Variants in CFAP61 observed in about 807,000 individuals in gnomAD.
CFAP61 encodes cilia and flagella associated protein 61, also known as cilia- and flagella-associated protein 61.
Under a neutral mutation model 135.6 loss-of-function variants are expected in CFAP61, and 107 were observed. That is an observed-to-expected ratio of 0.79 (90% CI 0.67 to 0.93). CFAP61 has a LOEUF of 0.93. Ranked by LOEUF, CFAP61 falls within the 40% of genes least tolerant of loss-of-function variation. The probability of loss-of-function intolerance (pLI) is 0.00; values close to 1 mark genes in which losing one functional copy is unlikely to be tolerated. For synonymous variants in CFAP61, 575 were observed against 578.5 expected, an observed-to-expected ratio of 0.99 and a Z score of 0.09; for missense variants, 1,507 against 1,556.2, an observed-to-expected ratio of 0.97 and a Z score of 0.53.
chr20:20,342,896 T>C (rs953017391), intron 26 of CFAP61, among the ~76,000 whole-genome samples: 4 of 151,864 alleles, frequency 2.6e-5, no homozygotes, highest in Admixed American at 6.6e-5. Flanking sequence ...AGTCCCCCTC[T>C]GTTGTGCAGG....
At chr20:20,128,063 A>G (rs2050211838) in intron 8 of CFAP61, among the ~76,000 whole-genome samples, 1 of 151,606 alleles carries the variant, frequency 6.6e-6, no homozygotes, top group African/African-American at 2.4e-5. Flanking sequence ...GTCTGTTTCC[A>G]TGTGATGGGC....
At chr20:20,162,191 G>C (rs2146804209) in intron 10 of CFAP61, among the ~76,000 whole-genome samples, 1 of 152,242 alleles carries the variant, frequency 6.6e-6, no homozygotes, top group Middle Eastern at 3.4e-3. Context: ...CAGACCTGCT[G>C]CCTCCCTCTT....
intron 6 of CFAP61, among the ~76,000 whole-genome samples, chr20:20,081,960 TAG>T (rs1385694964): frequency 1.3e-5 from 2 of 152,230 alleles, no homozygotes; most frequent in Admixed American, 6.5e-5. Flanking sequence ...CTGCAGAAGG[TAG>T]AGAGTGTGGC....
At chr20:20,307,636 G>A (rs921804406) in intron 25 of CFAP61, among the ~76,000 whole-genome samples, 16 of 152,012 alleles carry the variant, frequency 1.1e-4, no homozygotes, top group African/African-American at 3.6e-4. Context: ...AATTGCATTC[G>A]TGTATGTGCT....
Position 20,125,156 on chromosome 20 carries a change from T to G in CFAP61, c.860-17701T>G, listed in dbSNP as rs189277856. Among the ~76,000 whole-genome samples the G allele has an allele frequency of 2.0e-3, 310 of 152,008 alleles. 1 individual carries two copies. The highest frequency in any genetic ancestry group is 2.1e-3 in the Non-Finnish European group (144 of 68,022). The stretch of plus-strand genomic sequence containing the variant: ...TAATGGTCTGTCAATTTTATTTATC[T>G]TTTCAAAGAACCATCTTATTGTTTC... On this transcript the variant is annotated intron_variant, in intron 8 of 26. Coordinates refer to ENST00000245957, the MANE Select transcript of CFAP61 (RefSeq NM_015585.4).
At chr20:20,176,519 T>C (rs745809370) in intron 13 of CFAP61, among the ~76,000 whole-genome samples, 2 of 152,176 alleles carry the variant, frequency 1.3e-5, no homozygotes, top group Non-Finnish European at 2.9e-5. Flanking sequence ...TGGAATACTA[T>C]GTAGCCATAG....
rs368095230 is a variant in CFAP61 at position 20,251,681 on chromosome 20, G to A, written c.2246G>A (p.Arg749Gln). 36 of 1,614,088 alleles carry A rather than the reference G, an allele frequency of 2.2e-5. No homozygotes were observed. Among genetic ancestry groups the A allele is most frequent in the African/African-American group, 1.3e-4 (10 of 74,938 alleles). ...GTGGGTAGAATGACCGGCATAGACC[G>A]AGCAGCCAAGCACGTTGTGCTTTCC... ...VVVGRMTGID[R>Q]AAKHVVLSTD... The change falls in exon 20 of 27, where the codon CGA becomes CAA. Residue 749 changes from arginine (R) to glutamine (Q), a missense_variant. Coordinates refer to ENST00000245957, the MANE Select transcript of CFAP61 (RefSeq NM_015585.4).
chr20:20,181,301 A>ACACACACG (rs34616862), intron 13 of CFAP61, among the ~76,000 whole-genome samples: 12 of 150,710 alleles, frequency 8.0e-5, no homozygotes, highest in Admixed American at 2.7e-4. Flanking sequence ...ACACACACAC[A>ACACACACG]TAACCTTGTG....
At position 20,238,205 on chromosome 20, in the gene CFAP61, GTTTTGCCTCT is replaced by G. The variant is rs1205094369; in HGVS notation, c.2061-7911_2061-7902del. On this transcript the variant is annotated intron_variant, in intron 18 of 26. Transcript: ENST00000245957. ...AACAATAAATATTTTGTGTGGATTTGTTTTGCCTCTGATATTGGAAGTTCACAGAGCTCCC... is the reference window on the plus strand; with the variant it reads ...AACAATAAATATTTTGTGTGGATTTGGATATTGGAAGTTCACAGAGCTCCC... 5.9e-5 allele frequency among the ~76,000 whole-genome samples: 9 copies of G among 152,242 alleles called. No individual in the cohort carries two copies. In the South Asian group the frequency reaches 1.5e-3, roughly 25 times the overall value.
chr20:20,305,154 C>T (rs6035601), intron 25 of CFAP61, among the ~76,000 whole-genome samples: 1 of 152,232 alleles, frequency 6.6e-6, no homozygotes, highest in African/African-American at 2.4e-5. Context: ...CGCCGGTGGC[C>T]TACATTTACT....
intron 8 of CFAP61, among the ~76,000 whole-genome samples, chr20:20,133,956 T>C (rs952175980): frequency 1.3e-5 from 2 of 152,238 alleles, no homozygotes; most frequent in Non-Finnish European, 2.9e-5. Flanking sequence ...GTGGACTTTA[T>C]TATCAACCTC....
chr20:20,066,462 T>G (rs1313355108), intron 2 of CFAP61, among the ~76,000 whole-genome samples: 1 of 152,020 alleles, frequency 6.6e-6, no homozygotes, highest in Non-Finnish European at 1.5e-5. Context: ...ATAAAGAAAA[T>G]GTGGCACATA....
At chr20:20,291,127 A>G (rs1000542293) in intron 24 of CFAP61, among the ~76,000 whole-genome samples, 4 of 152,130 alleles carry the variant, frequency 2.6e-5, no homozygotes, top group Admixed American at 6.5e-5. Flanking sequence ...CACCAGTGAT[A>G]TATTTCTTAC....
intron 25 of CFAP61, among the ~76,000 whole-genome samples, chr20:20,319,081 T>C (rs2057298144): frequency 1.3e-5 from 2 of 152,198 alleles, no homozygotes. Context: ...AAGACCCTGA[T>C]TCTCTATACA....
intron 8 of CFAP61, among the ~76,000 whole-genome samples, chr20:20,114,440 G>T (rs1248977674): frequency 6.6e-6 from 1 of 152,124 alleles, no homozygotes; most frequent in African/African-American, 2.4e-5. Context: ...ATAATTAAGT[G>T]TCTTAGTTTC....
intron 3 of CFAP61, among the ~76,000 whole-genome samples, chr20:20,073,500 G>A (rs1402956451): frequency 6.6e-6 from 1 of 152,172 alleles, no homozygotes; most frequent in Non-Finnish European, 1.5e-5. Context: ...CAGCACCTGT[G>A]CTGTCCTGAT....
intron 8 of CFAP61, among the ~76,000 whole-genome samples, chr20:20,113,936 G>T (rs1420359093): frequency 1.7e-5 from 2 of 120,228 alleles, no homozygotes; most frequent in African/African-American, 3.2e-5. Flanking sequence ...ATTCTTAGTT[G>T]TCTAATTTTT....
chr20:20,146,305 A>G (rs1490801284), intron 9 of CFAP61, among the ~76,000 whole-genome samples: 1 of 152,210 alleles, frequency 6.6e-6, no homozygotes, highest in Non-Finnish European at 1.5e-5. Context: ...AAATCCATTG[A>G]GGAGTGAGAA....
intron 25 of CFAP61, among the ~76,000 whole-genome samples, chr20:20,302,785 A>G (rs1000126489): frequency 2.6e-5 from 4 of 152,344 alleles, no homozygotes; most frequent in Admixed American, 6.5e-5. Context: ...ATTTTTATAG[A>G]TGTCCTTTAT....
Sources: gnomAD v4.1 joint callset for allele counts (sites outside exome capture counted in the v4.1 genomes callset) on GRCh38, gnomAD v4.1.1 for gene constraint, MANE v1.5 for transcripts, NCBI Gene and HGNC (gene_info 2026-07-23, HGNC 2026-07-21) for gene names.